Variants in SNX31 observed in about 807,000 individuals in gnomAD.
SNX31 encodes the protein sorting nexin-31.
SNX31 carries 58 observed loss-of-function variants against 65.4 expected under a neutral mutation model. That is an observed-to-expected ratio of 0.89 (90% CI 0.72 to 1.10). The LOEUF (loss-of-function observed/expected upper bound fraction) is 1.10, where lower values mean the gene tolerates loss of function less well. SNX31 is among the 50% of genes least tolerant of loss of function. The pLI is 0.00. For missense variants in SNX31, 523 were observed against 529.7 expected, an observed-to-expected ratio of 0.99 and a Z score of 0.12; for synonymous variants, 181 against 190.1, an observed-to-expected ratio of 0.95 and a Z score of 0.39.
Position 100,635,901 on chromosome 8 carries a change from T to G in SNX31, c.252A>C (p.Gln84His), listed in dbSNP as rs149502978. ...AAAAACCCTGCAAATACATACCATT[T>G]TGCAAATATTGTTCCAGTTGGTCCC... is the stretch of plus-strand genomic sequence containing the variant. The part of the protein sequence containing the change: ...ERRDQLEQYL[Q>H]NVTMDPNVLR... The change falls in exon 3 of 14, where the codon CAA becomes CAC. Residue 84 changes from glutamine (Q) to histidine (H), a missense_variant. Transcript: ENST00000311812. 3 of 1,610,560 alleles carry G rather than the reference T, an allele frequency of 1.9e-6. No homozygotes were observed. The highest frequency in any genetic ancestry group is 2.7e-5 in the African/African-American group (2 of 74,844).
Position 100,649,341 on chromosome 8 carries a change from G to A in SNX31, c.74C>T (p.Ser25Phe), listed in dbSNP as rs1313705428. The change falls in exon 2 of 14, where the codon TCC (serine) becomes TTC (phenylalanine). Residue 25 changes from serine to phenylalanine, a missense_variant. Ser to Phe is a radical substitution (Grantham distance 155). Transcript: ENST00000311812. ...DALGGRYVLYSVHLDGFLFCR... is the reference protein window; with the variant it reads ...DALGGRYVLYFVHLDGFLFCR... ...GAAGAGGAACCCGTCCAGGTGCACG[G>A]AGTACAGCTGCAAACACACAGACAC... is the stretch of plus-strand genomic sequence containing the variant. 6.2e-7 allele frequency: 1 copy of A among 1,613,896 alleles called. No individual in the cohort carries two copies. The highest frequency in any genetic ancestry group is 1.7e-5 in the Admixed American group (1 of 60,022).
intron 2 of SNX31, among the ~76,000 whole-genome samples, chr8:100,642,434 T>C (rs1029389367): frequency 4.6e-5 from 7 of 152,228 alleles, no homozygotes. Context: ...TGCAAGACAG[T>C]ATCTTGGGGA....
At chr8:100,647,005 G>T (rs1210371552) in intron 2 of SNX31, among the ~76,000 whole-genome samples, 1 of 152,156 alleles carries the variant, frequency 6.6e-6, no homozygotes, top group African/African-American at 2.4e-5. Flanking sequence ...TCTAATGCTA[G>T]CTCATAAGGC....
Position 100,630,826 on chromosome 8 carries a change from C to A in SNX31, c.257-435G>T, listed in dbSNP as rs117995159. On this transcript the variant is annotated intron_variant, in intron 3 of 13. Coordinates refer to ENST00000311812, the MANE Select transcript of SNX31 (RefSeq NM_152628.4). This position sits in a 1 kb window ranked among gnomAD's most constrained non-coding sequence, Gnocchi z 5.3. The stretch of plus-strand genomic sequence containing the variant: ...GCACCTCTTTGGAGTCTCGCCCAGT[C>A]GCCCAGGCTGGAGTGTAGTGGCGTG... Among the ~76,000 whole-genome samples, 10,094 of 152,246 alleles carry A rather than the reference C, an allele frequency of 0.066. 467 individuals carry two copies. The highest frequency in any genetic ancestry group is 0.096 in the Non-Finnish European group (6,506 of 68,018).
chr8:100,615,402 TCGGGAA>T (rs1165623348), intron 5 of SNX31, among the ~76,000 whole-genome samples: 1 of 152,224 alleles, frequency 6.6e-6, no homozygotes, highest in East Asian at 1.9e-4. Context: ...TGCCATTGTC[TCGGGAA>T]CGTGAACTAT....
At chr8:100,661,640 C>T (rs1809789123) in intron 1 of SNX31, among the ~76,000 whole-genome samples, 1 of 151,394 alleles carries the variant, frequency 6.6e-6, no homozygotes, top group Admixed American at 6.6e-5. Flanking sequence ...GTCATCCTCT[C>T]ACCTCGGCCT....
intron 2 of SNX31, among the ~76,000 whole-genome samples, chr8:100,639,755 G>C (rs1819027329): frequency 6.6e-6 from 1 of 152,138 alleles, no homozygotes; most frequent in African/African-American, 2.4e-5. Flanking sequence ...AACATATCTA[G>C]TGCCCAGATC....
In SNX31 at chr8:100,612,885, G is replaced by T; in HGVS notation, c.523+110C>A. On this transcript the variant is annotated intron_variant, in intron 6 of 13. Transcript: ENST00000311812. The surrounding 1 kb of genome is among the most constrained non-coding windows in gnomAD (Gnocchi z 4.3). ...AACCCAGTGACTGAGAACAGTGGTA[G>T]GGATCACAGCCCAGTGGGTGGCCAG... 4 of 885,526 alleles carry T rather than the reference G, an allele frequency of 4.5e-6. No homozygotes were observed. The highest frequency in any genetic ancestry group is 7.6e-6 in the Non-Finnish European group (4 of 526,408). 54.9% of individuals were successfully genotyped at this position (885,526 alleles called of 1,614,324 possible).
At chr8:100,597,174 A>C (rs1815178698) in intron 9 of SNX31, among the ~76,000 whole-genome samples, 1 of 152,226 alleles carries the variant, frequency 6.6e-6, no homozygotes, top group South Asian at 2.1e-4. Context: ...AAAAGAGTCC[A>C]TAAAATGGAT....
intron 10 of SNX31, among the ~76,000 whole-genome samples, chr8:100,593,225 G>A (rs191346059): frequency 1.3e-5 from 2 of 152,254 alleles, no homozygotes; most frequent in East Asian, 1.9e-4. Flanking sequence ...AGAAAGACAC[G>A]TGTGATATTG....
Position 100,610,650 on chromosome 8 carries a change from G to T in SNX31, c.611+1350C>A, listed in dbSNP as rs1429773502. On this transcript the variant is annotated intron_variant, in intron 7 of 13. Transcript: ENST00000311812. This position sits in a 1 kb window ranked among gnomAD's most constrained non-coding sequence, Gnocchi z 4.0. ...TGTGCTCAGCCATTCACTACAGCAAGCAGCTTCCAGAACAGCTGTTCTCTA... is the reference window on the plus strand; with the variant it reads ...TGTGCTCAGCCATTCACTACAGCAATCAGCTTCCAGAACAGCTGTTCTCTA... Among the ~76,000 whole-genome samples the T allele has an allele frequency of 6.6e-6, 1 of 152,170 alleles. No individual in the cohort carries two copies. Among genetic ancestry groups the T allele is most frequent in the Non-Finnish European group, 1.5e-5 (1 of 68,030 alleles).
chr8:100,585,464 G>C (rs1443924176), intron 11 of SNX31, among the ~76,000 whole-genome samples: 1 of 152,092 alleles, frequency 6.6e-6, no homozygotes, highest in African/African-American at 2.4e-5. Context: ...GTTCTTGGAG[G>C]GGAGAACACA....
intron 9 of SNX31, among the ~76,000 whole-genome samples, chr8:100,597,221 C>T (rs891941920): frequency 1.3e-5 from 2 of 148,498 alleles, no homozygotes; most frequent in Admixed American, 1.3e-4. Context: ...ATTATAATAG[C>T]AAGTAAACAA....
Position 100,630,492 on chromosome 8 carries a change from T to C in SNX31, c.257-101A>G. The C allele has an allele frequency of 1.1e-6, 1 of 915,786 alleles. No homozygotes were observed. Among genetic ancestry groups the C allele is most frequent in the South Asian group, 1.7e-5 (1 of 58,478 alleles). 56.7% of individuals were successfully genotyped at this position (915,786 alleles called of 1,614,324 possible). ...AGATCCCTCCATGCCTTGCCAGTGC[T>C]CTGTCTCCTCCCTGAAGTGATAAAT... On this transcript the variant is annotated intron_variant, in intron 3 of 13. Coordinates refer to ENST00000311812, the MANE Select transcript of SNX31 (RefSeq NM_152628.4). This position sits in a 1 kb window ranked among gnomAD's most constrained non-coding sequence, Gnocchi z 5.3.
chr8:100,584,748 CT>C (rs531595486), intron 11 of SNX31, among the ~76,000 whole-genome samples: 155 of 135,428 alleles, frequency 1.1e-3, no homozygotes, highest in South Asian at 1.7e-3. Context: ...TTTTCTTTTT[CT>C]TTTTTTTTTT....
chr8:100,648,676 C>G lies in SNX31; in HGVS notation c.141+598G>C, dbSNP rs1819814852. On this transcript the variant is annotated intron_variant, in intron 2 of 13. Transcript: ENST00000311812. This position sits in a 1 kb window ranked among gnomAD's most constrained non-coding sequence, Gnocchi z 4.3. Reference sequence around the variant, plus strand: ...GCAGACTAATAAATCAGTCTGCCTCCCAGAGAAAATACTGTCAAGACAGCA... The same window carrying G: ...GCAGACTAATAAATCAGTCTGCCTCGCAGAGAAAATACTGTCAAGACAGCA... Among the ~76,000 whole-genome samples, 1 of 152,076 alleles carries G rather than the reference C, an allele frequency of 6.6e-6. No homozygotes were observed. Among genetic ancestry groups the G allele is most frequent in the Non-Finnish European group, 1.5e-5 (1 of 68,014 alleles).
chr8:100,591,250 G>A (rs554335197), intron 10 of SNX31, among the ~76,000 whole-genome samples: 1 of 152,278 alleles, frequency 6.6e-6, no homozygotes, highest in African/African-American at 2.4e-5. Context: ...CCAGAGCAGA[G>A]AGACAATAGA....
At chr8:100,603,284 G>T (rs573704929) in intron 8 of SNX31, among the ~76,000 whole-genome samples, 2 of 152,102 alleles carry the variant, frequency 1.3e-5, no homozygotes, top group African/African-American at 4.8e-5. Flanking sequence ...GAACAATATC[G>T]AAAAGAAGGG....
upstream of SNX31, among the ~76,000 whole-genome samples, chr8:100,653,682 G>C (rs1820011266): frequency 6.6e-6 from 1 of 152,230 alleles, no homozygotes; most frequent in African/African-American, 2.4e-5. Flanking sequence ...ATTCATTTCT[G>C]TGGTCGTAAG....
Sources: gnomAD v4.1 joint callset for allele counts (sites outside exome capture counted in the v4.1 genomes callset) on GRCh38, gnomAD v4.1.1 for gene constraint, Gnocchi (gnomAD v3.1) non-coding constraint, MANE v1.5 for transcripts, NCBI Gene and HGNC (gene_info 2026-07-23, HGNC 2026-07-21) for gene names.